The following CNTNAP2 variants were observed in gnomAD, a reference collection of about 807,000 sequenced individuals.
CNTNAP2 encodes contactin associated protein 2.
A neutral mutation model predicts 155.2 loss-of-function variants in CNTNAP2; 98 were observed. The ratio of observed to expected loss-of-function variants is 0.63; its 90% confidence interval spans 0.54 to 0.75. The LOEUF (loss-of-function observed/expected upper bound fraction) is 0.75, where lower values mean the gene tolerates loss of function less well. CNTNAP2 is among the 30% of genes least tolerant of loss of function. CNTNAP2 has a pLI of 0.00. For missense variants in CNTNAP2, 1,727 were observed against 1,688.1 expected (o/e 1.02, Z -0.40); for synonymous variants, 651 against 631.2 (o/e 1.03, Z -0.47).
intron 21 of CNTNAP2, among the ~76,000 whole-genome samples, chr7:148,317,525 C>T (rs1797712261): frequency 6.8e-6 from 1 of 147,234 alleles, no homozygotes; most frequent in African/African-American, 2.5e-5. Flanking sequence ...AGCAAGACTC[C>T]AGTCTCCAAA....
At chr7:148,333,908 C>A (rs1051774812) in intron 21 of CNTNAP2, among the ~76,000 whole-genome samples, 73 of 152,172 alleles carry the variant, frequency 4.8e-4, no homozygotes, top group African/African-American at 1.7e-3. Flanking sequence ...ATCTGACTTG[C>A]ACAACTCCTG....
At chr7:147,782,020 T>A (rs2116556832) in intron 13 of CNTNAP2, among the ~76,000 whole-genome samples, 1 of 120,406 alleles carries the variant, frequency 8.3e-6, no homozygotes, top group East Asian at 2.1e-4. Flanking sequence ...AAGATTCCGT[T>A]TAAAAAAAAA....
At chr7:146,715,008 A>AG in intron 1 of CNTNAP2, among the ~76,000 whole-genome samples, 1 of 152,232 alleles carries the variant, frequency 6.6e-6, no homozygotes, top group East Asian at 1.9e-4. Context: ...GGAAAGAGAT[A>AG]AAGCAAGTAC....
chr7:146,672,392 C>T (rs1800325784), intron 1 of CNTNAP2, among the ~76,000 whole-genome samples: 1 of 152,126 alleles, frequency 6.6e-6, no homozygotes, highest in Non-Finnish European at 1.5e-5. Context: ...GACACAGCTC[C>T]AAGGGTGAGA....
At chr7:148,143,400 C>T (rs1308632364) in intron 16 of CNTNAP2, among the ~76,000 whole-genome samples, 1 of 152,130 alleles carries the variant, frequency 6.6e-6, no homozygotes, top group Admixed American at 6.5e-5. Context: ...TTGAGTAGAC[C>T]AGGTGTGGTG....
intron 1 of CNTNAP2, among the ~76,000 whole-genome samples, chr7:146,750,031 C>T (rs547079984): frequency 9.9e-4 from 150 of 152,120 alleles, no homozygotes; most frequent in African/African-American, 3.5e-3. Flanking sequence ...TCTGTGAGGT[C>T]CTGGAATGTA....
chr7:146,740,094 T>A (rs1801686168), intron 1 of CNTNAP2, among the ~76,000 whole-genome samples: 1 of 152,132 alleles, frequency 6.6e-6, no homozygotes, highest in African/African-American at 2.4e-5. Context: ...AAAATTTGCC[T>A]TTTTGATGCT....
At chr7:146,712,660 T>G (rs1801117825) in intron 1 of CNTNAP2, among the ~76,000 whole-genome samples, 1 of 149,990 alleles carries the variant, frequency 6.7e-6, no homozygotes, top group Admixed American at 6.7e-5. Flanking sequence ...TACTTTTGCC[T>G]TTTTTTTTCT....
chr7:146,864,989 CTA>C (rs1491571777), intron 3 of CNTNAP2, among the ~76,000 whole-genome samples: 1 of 25,898 alleles, frequency 3.9e-5, no homozygotes, highest in African/African-American at 2.7e-4. Context: ...CAGAGTCTAT[CTA>C]AAAAAAAAAA....
At chr7:146,702,073 A>T (rs1262393173) in intron 1 of CNTNAP2, among the ~76,000 whole-genome samples, 1 of 152,202 alleles carries the variant, frequency 6.6e-6, no homozygotes, top group Non-Finnish European at 1.5e-5. Context: ...CTTTTTCTTC[A>T]TCATTGTGAG....
chr7:146,574,916 C>G (rs1390683728), intron 1 of CNTNAP2, among the ~76,000 whole-genome samples: 3 of 152,108 alleles, frequency 2.0e-5, no homozygotes, highest in African/African-American at 7.2e-5. Flanking sequence ...GGCTCCAAAT[C>G]CTATTCTGAA....
At chr7:146,912,128 A>G (rs1200773814) in intron 3 of CNTNAP2, among the ~76,000 whole-genome samples, 3 of 150,676 alleles carry the variant, frequency 2.0e-5, no homozygotes, top group Admixed American at 6.7e-5. Flanking sequence ...GAGTCATTGA[A>G]TATGTATTAG....
chr7:146,979,960 C>G (rs752614143), intron 3 of CNTNAP2, among the ~76,000 whole-genome samples: 1 of 152,138 alleles, frequency 6.6e-6, no homozygotes, highest in Non-Finnish European at 1.5e-5. Context: ...TTTGACATTA[C>G]TTTTAATGGC....
chr7:147,562,081 A>T (rs756257031), intron 11 of CNTNAP2, 57 bp from the exon 12 acceptor site: 46 of 1,611,726 alleles, frequency 2.9e-5, no homozygotes, highest in South Asian at 2.0e-4. Flanking sequence ...TGGGACATTT[A>T]TCTGGGGAGC....
chr7:147,081,774 C>G (rs544997107), intron 4 of CNTNAP2: 1 of 152,292 alleles, frequency 6.6e-6, no homozygotes, highest in African/African-American at 2.4e-5. Flanking sequence ...ATCTTAAAGG[C>G]TTGGTCAAAG....
chr7:147,453,696 T>C (rs957336119), intron 10 of CNTNAP2, among the ~76,000 whole-genome samples: 7 of 152,122 alleles, frequency 4.6e-5, no homozygotes, highest in African/African-American at 1.7e-4. Context: ...AGAATTGAAA[T>C]AATAAGTTCT....
intron 1 of CNTNAP2, among the ~76,000 whole-genome samples, chr7:146,230,646 A>G (rs751943807): frequency 5.9e-5 from 9 of 152,184 alleles, no homozygotes; most frequent in Non-Finnish European, 1.0e-4. Flanking sequence ...TGGCTCCACT[A>G]TTTGTTATCT....
intron 13 of CNTNAP2, among the ~76,000 whole-genome samples, chr7:147,887,086 C>T (rs1799614453): frequency 6.6e-6 from 1 of 152,166 alleles, no homozygotes; most frequent in African/African-American, 2.4e-5. Context: ...TTGACCATGC[C>T]TCTCCCTTGC....
chr7:148,321,645 A>T (rs913278389), intron 21 of CNTNAP2, among the ~76,000 whole-genome samples: 2 of 152,236 alleles, frequency 1.3e-5, no homozygotes, highest in Non-Finnish European at 2.9e-5. Context: ...GCAAAAGAGC[A>T]GTCTCTTGAC....
Sources: gnomAD v4.1 joint callset for allele counts (sites outside exome capture counted in the v4.1 genomes callset) on GRCh38, gnomAD v4.1.1 for gene constraint, MANE v1.5 for transcripts, NCBI Gene and HGNC (gene_info 2026-07-23, HGNC 2026-07-21) for gene names.